The following ZNF445 variants were observed in gnomAD, a reference collection of about 807,000 sequenced individuals.
ZNF445 encodes the protein zinc finger protein 168.
In ZNF445, 19 loss-of-function variants were observed where a neutral mutation model predicts 93.9. That is an observed-to-expected ratio of 0.20 (90% CI 0.14 to 0.30). The LOEUF is 0.30. Ranked by LOEUF, ZNF445 falls within the 10% of genes least tolerant of loss-of-function variation. ZNF445 has a pLI of 1.00. For synonymous variants in ZNF445, 449 were observed against 446.3 expected (o/e 1.01, Z -0.08); for missense variants, 1,058 against 1,259.4 (o/e 0.84, Z 2.42).
rs982961511 is a variant in ZNF445, at chr3:44,444,449, A to C, written c.*2126T>G. On this transcript the variant is annotated 3_prime_UTR_variant, in exon 8 of 8. Transcript: ENST00000396077. ...GATGCAGAGGTTCATTGACTTGCTC[A>C]AGATCAATCCTGCCAAGAAAAGGCA... is the stretch of plus-strand genomic sequence containing the variant. The C allele has an allele frequency of 1.3e-5, 2 of 152,268 alleles. No homozygotes were observed. The highest frequency in any genetic ancestry group is 1.3e-4 in the Admixed American group (2 of 15,280). 9.4% of individuals were successfully genotyped at this position (152,268 alleles called of 1,614,324 possible).
chr3:44,445,908 C>CAA lies in ZNF445; in HGVS notation c.*666_*667insTT, dbSNP rs1462602533. The CAA allele has an allele frequency of 6.5e-6, 1 of 152,858 alleles. No individual in the cohort carries two copies. Among genetic ancestry groups the CAA allele is most frequent in the African/African-American group, 2.4e-5 (1 of 41,480 alleles). 9.5% of individuals were successfully genotyped at this position (152,858 alleles called of 1,614,324 possible). On this transcript the variant is annotated 3_prime_UTR_variant, in exon 8 of 8. Transcript: ENST00000396077. ...GAGTGCTCAGCACATTTCTGTTAAA[C>CAA]AGATGGACCGCTGCTGCCTATGCAG...
chr3:44,449,672 A>C, intron 6 of ZNF445, 49 bp from the exon 7 acceptor site: 2 of 1,480,826 alleles, frequency 1.4e-6, no homozygotes, highest in Non-Finnish European at 1.9e-6. Context: ...ATGACACAGA[A>C]CTACTCTTCA....
At chr3:44,449,120 A>G (rs1366723948) in intron 7 of ZNF445, among the ~76,000 whole-genome samples, 3 of 152,208 alleles carry the variant, frequency 2.0e-5, no homozygotes, top group Non-Finnish European at 4.4e-5. Flanking sequence ...TTACAAAAAG[A>G]AGGACCAAGA....
intron 1 of ZNF445, among the ~76,000 whole-genome samples, chr3:44,474,629 T>G (rs1445515290): frequency 6.6e-6 from 1 of 152,144 alleles, no homozygotes; most frequent in African/African-American, 2.4e-5. Flanking sequence ...ACATGACAAC[T>G]AAACGTAATG....
Position 44,437,361 on chromosome 3 carries a change from G to A in ZNF445, c.*9214C>T, listed in dbSNP as rs1009454055. On this transcript the variant is annotated 3_prime_UTR_variant, in exon 8 of 8. Coordinates refer to ENST00000396077, the MANE Select transcript of ZNF445 (RefSeq NM_181489.6). The stretch of plus-strand genomic sequence containing the variant: ...TCCCGTGACTTAGAATGCCTTAACC[G>A]TCTGGGAATGCAGCCCAGTAGGTCT... 2 of 152,074 alleles carry A rather than the reference G, an allele frequency of 1.3e-5. No homozygotes were observed. The highest frequency in any genetic ancestry group is 2.9e-5 in the Non-Finnish European group (2 of 68,030). 9.4% of individuals were successfully genotyped at this position (152,074 alleles called of 1,614,324 possible).
rs1698007832 is a variant in ZNF445 at position 44,454,970 on chromosome 3, C to T, written c.429+151G>A. On this transcript the variant is annotated intron_variant, in intron 3 of 7. Transcript: ENST00000396077. The stretch of plus-strand genomic sequence containing the variant: ...CTAAAGGGTCCGTGGCTCAGGGTCC[C>T]GTTCTCAGCTGCTCAGGTACCATGG... 7 of 931,418 alleles carry T rather than the reference C, an allele frequency of 7.5e-6. No homozygotes were observed. In the South Asian group the frequency reaches 8.3e-5, roughly 11 times the overall value. The allele number at this position is 931,418 out of a possible 1,614,324, so 57.7% of individuals were successfully genotyped here.
Position 44,446,415 on chromosome 3 carries a change from T to A in ZNF445, c.*160A>T. The A allele has an allele frequency of 9.7e-7, 1 of 1,030,552 alleles. No homozygotes were observed. Among genetic ancestry groups the A allele is most frequent in the African/African-American group, 1.6e-5 (1 of 62,040 alleles). The allele number at this position is 1,030,552 out of a possible 1,614,324, so 63.8% of individuals were successfully genotyped here. A position where few individuals can be genotyped will look rare whatever the true frequency, so the allele number is the denominator to read the frequency against. ...CAGCGTCACATCCTAGCAGGCAGGC[T>A]GGGGACTCCCCGAGCTTTCAAATCC... On this transcript the variant is annotated 3_prime_UTR_variant, in exon 8 of 8. Coordinates refer to ENST00000396077, the MANE Select transcript of ZNF445 (RefSeq NM_181489.6). The surrounding 1 kb of genome is among the most constrained non-coding windows in gnomAD (Gnocchi z 4.2).
chr3:44,464,917 A>G (rs1698169780), intron 1 of ZNF445, among the ~76,000 whole-genome samples: 1 of 152,120 alleles, frequency 6.6e-6, no homozygotes, highest in South Asian at 2.1e-4. Flanking sequence ...CTTACTAAAA[A>G]TTAGCTGAGC....
intron 2 of ZNF445, among the ~76,000 whole-genome samples, chr3:44,457,049 C>A (rs906461354): frequency 6.6e-6 from 1 of 152,082 alleles, no homozygotes; most frequent in Non-Finnish European, 1.5e-5. Context: ...GAATTGCTTG[C>A]GCCTGGGAAG....
chr3:44,459,287 T>G (rs1437090872), intron 1 of ZNF445, among the ~76,000 whole-genome samples: 1 of 152,038 alleles, frequency 6.6e-6, no homozygotes, highest in Non-Finnish European at 1.5e-5. Context: ...CCAAATAAAT[T>G]GAGCAATACA....
chr3:44,447,101 T>A lies in ZNF445; in HGVS notation c.2570A>T (p.Asp857Val). ...KTFTRKRTLLDHKGIHSGEKR... is the reference protein window; with the variant it reads ...KTFTRKRTLLVHKGIHSGEKR... ...CTCTCCACTGTGTATTCCCTTATGATCTAAAAGGGTTCTTTTACGTGTAAA... is the reference window on the plus strand; with the variant it reads ...CTCTCCACTGTGTATTCCCTTATGAACTAAAAGGGTTCTTTTACGTGTAAA... Residue 857 changes from aspartate (D) to valine (V), a missense_variant, in exon 8 of 8, where the codon GAT becomes GTT. Physicochemically the swap from Asp to Val is radical, Grantham distance 152. Around this residue, in one of 3 missense-constraint regions of ZNF445, gnomAD observed 387 missense variants for 475.7 expected, o/e 0.81. Coordinates refer to ENST00000396077, the MANE Select transcript of ZNF445 (RefSeq NM_181489.6). This position sits in a 1 kb window ranked among gnomAD's most constrained non-coding sequence, Gnocchi z 4.7. 1 of 1,614,180 alleles carries A rather than the reference T, an allele frequency of 6.2e-7. No individual in the cohort carries two copies. Among genetic ancestry groups the A allele is most frequent in the Non-Finnish European group, 8.5e-7 (1 of 1,180,020 alleles).
intron 1 of ZNF445, among the ~76,000 whole-genome samples, chr3:44,462,155 C>G (rs1338421561): frequency 6.6e-6 from 1 of 152,182 alleles, no homozygotes; most frequent in Non-Finnish European, 1.5e-5. Context: ...AGGACTATCA[C>G]AGATAGAACG....
At position 44,444,309 on chromosome 3, in the gene ZNF445, C is replaced by T. The variant is rs1049827818; in HGVS notation, c.*2266G>A. 1.3e-5 allele frequency: 2 copies of T among 152,214 alleles called. No homozygotes were observed. The highest frequency in any genetic ancestry group is 2.9e-5 in the Non-Finnish European group (2 of 68,048). The allele number at this position is 152,214 out of a possible 1,614,324, so 9.4% of individuals were successfully genotyped here. ...TGGAAGCTGCACCTCTGAGAGGGCC[C>T]TGGTCCTAGAGGTCAACCACCTGAT... is the stretch of plus-strand genomic sequence containing the variant. On this transcript the variant is annotated 3_prime_UTR_variant, in exon 8 of 8. Coordinates refer to ENST00000396077, the MANE Select transcript of ZNF445 (RefSeq NM_181489.6).
At chr3:44,469,136 T>C (rs1698232826) in intron 1 of ZNF445, among the ~76,000 whole-genome samples, 1 of 152,092 alleles carries the variant, frequency 6.6e-6, no homozygotes, top group Non-Finnish European at 1.5e-5. Context: ...TGCTTTACTG[T>C]ACACCAGGTG....
chr3:44,436,598 A>G lies in ZNF445; in HGVS notation c.*9977T>C, dbSNP rs925942698. The G allele has an allele frequency of 2.0e-5, 3 of 152,088 alleles. No individual in the cohort carries two copies. Among genetic ancestry groups the G allele is most frequent in the African/African-American group, 7.2e-5 (3 of 41,400 alleles). The allele number at this position is 152,088 out of a possible 1,614,324, so 9.4% of individuals were successfully genotyped here. A position where few individuals can be genotyped will look rare whatever the true frequency, so the allele number is the denominator to read the frequency against. On this transcript the variant is annotated 3_prime_UTR_variant, in exon 8 of 8. Transcript: ENST00000396077. ...ATCTTCCTCTACAGTATACCAACGAAGTTCTCGCATTTCAACTCATTCAGT... is the reference window on the plus strand; with the variant it reads ...ATCTTCCTCTACAGTATACCAACGAGGTTCTCGCATTTCAACTCATTCAGT...
At chr3:44,461,547 G>A (rs528339312) in intron 1 of ZNF445, among the ~76,000 whole-genome samples, 2 of 152,202 alleles carry the variant, frequency 1.3e-5, no homozygotes, top group Admixed American at 6.5e-5. Flanking sequence ...AAGACTCAAC[G>A]CTCAACAGGT....
At position 44,442,383 on chromosome 3, in the gene ZNF445, C is replaced by T. The variant is rs1697822922; in HGVS notation, c.*4192G>A. 6.6e-6 allele frequency: 1 copy of T among 152,214 alleles called. No homozygotes were observed. Among genetic ancestry groups the T allele is most frequent in the Non-Finnish European group, 1.5e-5 (1 of 68,044 alleles). 9.4% of individuals were successfully genotyped at this position (152,214 alleles called of 1,614,324 possible). On this transcript the variant is annotated 3_prime_UTR_variant, in exon 8 of 8. Transcript: ENST00000396077. Reference sequence around the variant, plus strand: ...TGCTGGGTGGTTAAGTGCACACAACCTTCCAAGATTTTGCAAATTGCCTGG... The same window carrying T: ...TGCTGGGTGGTTAAGTGCACACAACTTTCCAAGATTTTGCAAATTGCCTGG...
rs1378638900 is a variant in ZNF445 at position 44,450,959 on chromosome 3, G to GT, written c.601dup (p.Thr201AsnfsTer68). 6.3e-7 allele frequency: 1 copy of GT among 1,586,284 alleles called. No homozygotes were observed. Among genetic ancestry groups the GT allele is most frequent in the Non-Finnish European group, 8.6e-7 (1 of 1,167,146 alleles). On this transcript the variant is annotated frameshift_variant, in exon 5 of 8. Coordinates refer to ENST00000396077, the MANE Select transcript of ZNF445 (RefSeq NM_181489.6). LOFTEE classifies it high-confidence loss of function. ...AAGGGCAGGCATCTGGGCAGCAGGA[G>GT]TATCTGAAGGAGAAAAAGCCATGAG...
In ZNF445 at chr3:44,436,504, C is replaced by G. The variant is rs1403399478; in HGVS notation, c.*10071G>C. ...CATAATGAAGTGTCCTCTGGACCCT[C>G]CCTGGGTGGGTGAGCAGGTATTTAC... is the stretch of plus-strand genomic sequence containing the variant. On this transcript the variant is annotated 3_prime_UTR_variant, in exon 8 of 8. Coordinates refer to ENST00000396077, the MANE Select transcript of ZNF445 (RefSeq NM_181489.6). The G allele has an allele frequency of 6.6e-6, 1 of 152,212 alleles. No individual in the cohort carries two copies. Among genetic ancestry groups the G allele is most frequent in the Non-Finnish European group, 1.5e-5 (1 of 68,050 alleles). 9.4% of individuals were successfully genotyped at this position (152,212 alleles called of 1,614,324 possible).
Sources: allele counts gnomAD v4.1 joint callset (sites outside exome capture counted in the v4.1 genomes callset), GRCh38; gene constraint gnomAD v4.1.1; regional missense constraint gnomAD v4.1.1; non-coding constraint Gnocchi (gnomAD v3.1); transcripts MANE v1.5; gene names NCBI Gene and HGNC (gene_info 2026-07-23, HGNC 2026-07-21).